MCM9: variants seen among roughly 807,000 people sequenced by gnomAD.
The protein encoded by MCM9 is minichromosome maintenance 9 homologous recombination repair factor.
In MCM9, 55 loss-of-function variants were observed where a neutral mutation model predicts 72.8. The ratio of observed to expected loss-of-function variants is 0.76; its 90% CI spans 0.61 to 0.95. The LOEUF (loss-of-function observed/expected upper bound fraction) is 0.95. Among genes scored for constraint, MCM9 ranks in the 40% least tolerant of loss-of-function variants. The pLI is 0.00. For synonymous variants in MCM9, 480 were observed against 503.4 expected (o/e 0.95, Z 0.62); for missense variants, 1,279 against 1,377.0 (o/e 0.93, Z 1.13).
chr6:118,815,098 C>T lies in MCM9; in HGVS notation c.3158G>A (p.Cys1053Tyr). Residue 1053 changes from cysteine (C) to tyrosine (Y), a missense_variant, in exon 14 of 14, where the codon TGC becomes TAC. By Grantham distance (194) the Cys-to-Tyr change is radical. Transcript: ENST00000619706. ...GSNKSGKVHA[C>Y]TLARLANFCF... ...GAAGTTTGCCAATCTGGCTAATGTGCAGGCATGAACCTTGCCGCTTTTATT... is the reference window on the plus strand; with the variant it reads ...GAAGTTTGCCAATCTGGCTAATGTGTAGGCATGAACCTTGCCGCTTTTATT... 3.2e-6 allele frequency: 5 copies of T among 1,550,766 alleles called. No individual in the cohort carries two copies. Among genetic ancestry groups the T allele is most frequent in the African/African-American group, 1.4e-5 (1 of 73,124 alleles).
At chr6:118,896,057 T>A (rs1317259743) in intron 8 of MCM9, among the ~76,000 whole-genome samples, 12 of 149,040 alleles carry the variant, frequency 8.1e-5, no homozygotes, top group Admixed American at 2.7e-4. Flanking sequence ...TTTTTTTTTT[T>A]AAACCTATAT....
intron 9 of MCM9, among the ~76,000 whole-genome samples, chr6:118,856,038 A>C (rs971201445): frequency 6.6e-6 from 1 of 152,226 alleles, no homozygotes; most frequent in Non-Finnish European, 1.5e-5. Context: ...CCTAACACAG[A>C]AATATGCCCA....
At chr6:118,877,011 C>T (rs1777973275) in intron 8 of MCM9, among the ~76,000 whole-genome samples, 2 of 152,186 alleles carry the variant, frequency 1.3e-5, no homozygotes, top group Non-Finnish European at 2.9e-5. Context: ...TGTTAAAATG[C>T]TAGACATTTC....
intron 8 of MCM9, among the ~76,000 whole-genome samples, chr6:118,866,962 A>G (rs1242950270): frequency 6.6e-6 from 1 of 152,164 alleles, no homozygotes; most frequent in Non-Finnish European, 1.5e-5. Context: ...GAACCTTCTC[A>G]TAAGACTATC....
At position 118,924,327 on chromosome 6, in the gene MCM9, G is replaced by GA. The variant is rs1426319837; in HGVS notation, c.305-201_305-200insT. Among the ~76,000 whole-genome samples, 5 of 151,500 alleles carry GA rather than the reference G, an allele frequency of 3.3e-5. No homozygotes were observed. In the East Asian group the frequency reaches 5.8e-4, roughly 18 times the overall value. ...ATTGCAAATAACAGTTATCAGTAGA[G>GA]TTTTTTTTTAATCCAGATACTGCAC... is the stretch of plus-strand genomic sequence containing the variant. On this transcript the variant is annotated intron_variant, in intron 3 of 13. Coordinates refer to ENST00000619706, the MANE Select transcript of MCM9 (RefSeq NM_017696.3).
intron 9 of MCM9, among the ~76,000 whole-genome samples, chr6:118,855,819 C>A (rs140952453): frequency 4.6e-5 from 7 of 152,152 alleles, no homozygotes; most frequent in Non-Finnish European, 8.8e-5. Flanking sequence ...CTGTCTGAAC[C>A]TGGCTTATTT....
intron 9 of MCM9, among the ~76,000 whole-genome samples, chr6:118,838,988 A>G (rs1393453454): frequency 6.6e-6 from 1 of 151,688 alleles, no homozygotes; most frequent in Non-Finnish European, 1.5e-5. Context: ...CCTGCTAGGT[A>G]GTTTTCCTGG....
intron 8 of MCM9, chr6:118,901,165 T>C (rs902767617): frequency 1.7e-5 from 4 of 229,368 alleles, no homozygotes; most frequent in East Asian, 9.1e-5. Context: ...GGTGGTGAAT[T>C]TGGGGCTCTT....
chr6:118,856,610 G>A (rs1776569389), intron 8 of MCM9, 65 bp from the exon 9 acceptor site: 24 of 1,486,088 alleles, frequency 1.6e-5, no homozygotes, highest in Non-Finnish European at 2.1e-5. Context: ...TGGGCGCAGT[G>A]GCTCACACCT....
intron 13 of MCM9, among the ~76,000 whole-genome samples, chr6:118,818,550 G>A (rs972949941): frequency 6.6e-6 from 1 of 152,202 alleles, no homozygotes; most frequent in Non-Finnish European, 1.5e-5. Flanking sequence ...ATAGTTTGAA[G>A]TCAGGTAGCG....
At chr6:118,856,291 A>G in intron 9 of MCM9, 80 bp downstream of exon 9, 1 of 1,359,430 alleles carries the variant, frequency 7.4e-7, no homozygotes. Context: ...CATACCTTAT[A>G]GCTCAACAAG....
At chr6:118,836,172 C>A (rs1774942982) in intron 9 of MCM9, among the ~76,000 whole-genome samples, 1 of 152,152 alleles carries the variant, frequency 6.6e-6, no homozygotes, top group Non-Finnish European at 1.5e-5. Flanking sequence ...ATATGTTGAA[C>A]CAGCCTTGCA....
At chr6:118,848,846 T>A (rs1027897380) in intron 9 of MCM9, among the ~76,000 whole-genome samples, 1 of 151,984 alleles carries the variant, frequency 6.6e-6, no homozygotes, top group African/African-American at 2.4e-5. Context: ...TGCTTGAACC[T>A]GGGAGGAGCA....
chr6:118,889,008 T>C (rs1032116484), intron 8 of MCM9, among the ~76,000 whole-genome samples: 3 of 152,164 alleles, frequency 2.0e-5, no homozygotes, highest in East Asian at 1.9e-4. Context: ...GTGATGATGG[T>C]TGCACACCTC....
chr6:118,855,865 C>A (rs1171085680), intron 9 of MCM9, among the ~76,000 whole-genome samples: 1 of 152,196 alleles, frequency 6.6e-6, no homozygotes, highest in African/African-American at 2.4e-5. Flanking sequence ...GGGACTCACA[C>A]AGCTCAATCC....
chr6:118,900,810 G>A, intron 8 of MCM9: 5 of 1,613,842 alleles, frequency 3.1e-6, no homozygotes, highest in Non-Finnish European at 4.2e-6. Flanking sequence ...AGAAAGTGAA[G>A]AATACGATCA....
chr6:118,905,153 C>G (rs932063801), intron 8 of MCM9, among the ~76,000 whole-genome samples: 1 of 152,158 alleles, frequency 6.6e-6, no homozygotes, highest in Admixed American at 6.5e-5. Flanking sequence ...CAGTTTTATA[C>G]TAATTTACTA....
At chr6:118,923,443 C>A (rs1781602577) in intron 4 of MCM9, among the ~76,000 whole-genome samples, 1 of 152,100 alleles carries the variant, frequency 6.6e-6, no homozygotes, top group Non-Finnish European at 1.5e-5. Context: ...AGCCACCATG[C>A]CTGGCCACTC....
intron 9 of MCM9, among the ~76,000 whole-genome samples, chr6:118,829,847 A>AT (rs1774413691): frequency 2.0e-5 from 3 of 151,666 alleles, no homozygotes; most frequent in Admixed American, 2.0e-4. Context: ...TTTTGTTTTG[A>AT]TTTTTTTTCT....
Sources: allele counts gnomAD v4.1 joint callset (sites outside exome capture counted in the v4.1 genomes callset), GRCh38; gene constraint gnomAD v4.1.1; transcripts MANE v1.5; gene names NCBI Gene and HGNC (gene_info 2026-07-23, HGNC 2026-07-21).